C20orf203: variants seen among roughly 807,000 people sequenced by gnomAD.
C20orf203 encodes chromosome 20 open reading frame 203.
In C20orf203, 16 loss-of-function variants were observed where a neutral mutation model predicts 15.9. The ratio of observed to expected loss-of-function variants is 1.01; its 90% CI spans 0.68 to 1.53. The LOEUF is 1.53. Ranked by LOEUF, C20orf203 falls within the 40% of genes most tolerant of loss-of-function variation. The pLI is 0.00. For missense variants in C20orf203, 263 were observed against 247.5 expected, an observed-to-expected ratio of 1.06 and a Z score of -0.42; for synonymous variants, 98 against 97.2, an observed-to-expected ratio of 1.01 and a Z score of -0.05.
At chr20:32,646,684 G>A (rs951912748) in intron 4 of C20orf203, among the ~76,000 whole-genome samples, 1 of 152,180 alleles carries the variant, frequency 6.6e-6, no homozygotes, top group Admixed American at 6.5e-5. Context: ...GAAAGGGTGG[G>A]AGCCCTAACT....
At chr20:32,665,546 C>T (rs1262485479) in intron 1 of C20orf203, among the ~76,000 whole-genome samples, 1 of 152,196 alleles carries the variant, frequency 6.6e-6, no homozygotes, top group Non-Finnish European at 1.5e-5. Context: ...CTGGGAAGAG[C>T]AAGGCGCGGT....
chr20:32,658,925 G>C (rs1600937565), intron 1 of C20orf203, among the ~76,000 whole-genome samples: 1 of 152,028 alleles, frequency 6.6e-6, no homozygotes, highest in East Asian at 1.9e-4. Flanking sequence ...GCCCAGGCTG[G>C]AGTACAATGG....
At chr20:32,656,528 G>T (rs568893546) in intron 1 of C20orf203, 20 of 152,238 alleles carry the variant, frequency 1.3e-4, no homozygotes, top group African/African-American at 4.3e-4. Flanking sequence ...GCACCTAAAA[G>T]GTATATACCC....
chr20:32,642,350 T>C (rs1307787157), intron 4 of C20orf203, among the ~76,000 whole-genome samples: 2 of 152,128 alleles, frequency 1.3e-5, no homozygotes, highest in Non-Finnish European at 2.9e-5. Flanking sequence ...GGCCCACAAG[T>C]GTCCAGTGAA....
intron 1 of C20orf203, among the ~76,000 whole-genome samples, chr20:32,659,570 G>A (rs1450761633): frequency 6.6e-6 from 1 of 152,246 alleles, no homozygotes; most frequent in Non-Finnish European, 1.5e-5. Context: ...CAAAGTGGAG[G>A]TGCCTGCAGC....
rs1417052164 is a variant in C20orf203 at position 32,631,800 on chromosome 20, G to C, written c.*3770C>G. ...AGTCTGGGCGCTCATAAGAGGCAGG[G>C]TCTGTGGGGGTCAGGCCTGTTTGGT... On this transcript the variant is annotated 3_prime_UTR_variant, in exon 6 of 6. Transcript: ENST00000608990. 5 of 152,224 alleles carry C rather than the reference G, an allele frequency of 3.3e-5. No homozygotes were observed. Among genetic ancestry groups the C allele is most frequent in the African/African-American group, 1.2e-4 (5 of 41,448 alleles). The allele number at this position is 152,224 out of a possible 1,614,324, so 9.4% of individuals were successfully genotyped here.
intron 1 of C20orf203, among the ~76,000 whole-genome samples, chr20:32,653,269 C>T (rs1014970470): frequency 2.0e-5 from 3 of 152,208 alleles, no homozygotes; most frequent in Non-Finnish European, 4.4e-5. Context: ...GTTGCACAGC[C>T]AGTGACTAAT....
At chr20:32,645,792 C>A (rs1014062666) in intron 4 of C20orf203, among the ~76,000 whole-genome samples, 3 of 152,256 alleles carry the variant, frequency 2.0e-5, no homozygotes, top group African/African-American at 7.2e-5. Flanking sequence ...CCCAAGGCCA[C>A]ACAGTGAGGC....
intron 1 of C20orf203, among the ~76,000 whole-genome samples, chr20:32,666,762 CA>C (rs375016307): frequency 0.091 from 5,572 of 61,510 alleles, 604 homozygotes; most frequent in African/African-American, 0.26. Context: ...GACTCCATCT[CA>C]AAAAAAAAAA....
intron 1 of C20orf203, 136 bp downstream of exon 1, chr20:32,673,496 G>A (rs1983224653): frequency 6.6e-6 from 1 of 152,326 alleles, no homozygotes; most frequent in South Asian, 2.1e-4. Context: ...AGGGACACAT[G>A]AGGCACAGGG....
chr20:32,669,068 A>G (rs1600943058), intron 1 of C20orf203, among the ~76,000 whole-genome samples: 1 of 152,194 alleles, frequency 6.6e-6, no homozygotes, highest in African/African-American at 2.4e-5. Flanking sequence ...GCCTTAGTGC[A>G]TGCAGAGAGT....
At chr20:32,666,431 C>T (rs1983026802) in intron 1 of C20orf203, among the ~76,000 whole-genome samples, 1 of 150,782 alleles carries the variant, frequency 6.6e-6, no homozygotes, top group South Asian at 2.1e-4. Flanking sequence ...CGTGCCACTG[C>T]ACTCCGGCTT....
Position 32,631,952 on chromosome 20 carries a change from T to C in C20orf203, c.*3618A>G, listed in dbSNP as rs889045029. ...CGCAGGTCCCTGCAATCTGGAGGTA[T>C]GTGACACCGGGACATTTACCCTGTG... On this transcript the variant is annotated 3_prime_UTR_variant, in exon 6 of 6. Transcript: ENST00000608990. The C allele has an allele frequency of 6.6e-6, 1 of 152,232 alleles. No homozygotes were observed. The highest frequency in any genetic ancestry group is 1.5e-5 in the Non-Finnish European group (1 of 68,060). The allele number at this position is 152,232 out of a possible 1,614,324, so 9.4% of individuals were successfully genotyped here.
intron 1 of C20orf203, among the ~76,000 whole-genome samples, chr20:32,654,669 C>T (rs1461729051): frequency 6.6e-6 from 1 of 152,062 alleles, no homozygotes; most frequent in Non-Finnish European, 1.5e-5. Flanking sequence ...ATGGTGAAAC[C>T]TCATCTCTAC....
chr20:32,636,672 G>A (rs931654164), intron 5 of C20orf203, among the ~76,000 whole-genome samples: 1 of 152,018 alleles, frequency 6.6e-6, no homozygotes, highest in Non-Finnish European at 1.5e-5. Flanking sequence ...GCTGGACTTG[G>A]GCCATGGAAC....
chr20:32,659,037 G>A (rs1349039141), intron 1 of C20orf203, among the ~76,000 whole-genome samples: 2 of 152,078 alleles, frequency 1.3e-5, no homozygotes, highest in East Asian at 3.9e-4. Flanking sequence ...CACCACGCCT[G>A]GCTAATTTTT....
intron 5 of C20orf203, among the ~76,000 whole-genome samples, chr20:32,639,320 G>A (rs1356300526): frequency 6.6e-6 from 1 of 152,236 alleles, no homozygotes; most frequent in African/African-American, 2.4e-5. Context: ...GTCTCAGTTG[G>A]ACAGTACCAA....
At chr20:32,667,821 C>A in intron 1 of C20orf203, among the ~76,000 whole-genome samples, 1 of 152,142 alleles carries the variant, frequency 6.6e-6, no homozygotes, top group East Asian at 1.9e-4. Flanking sequence ...CAGGCGCGTG[C>A]CACCACACCC....
At position 32,666,797 on chromosome 20, in the gene C20orf203, T is replaced by TTTTATATATATATATATA. The variant is rs367964394; in HGVS notation, c.-264+6834_-264+6835insTATATATATATATATAAA. On this transcript the variant is annotated intron_variant, in intron 1 of 5. Coordinates refer to ENST00000608990, the MANE Select transcript of C20orf203 (RefSeq NM_182584.4). ...AAAAAAAGATGAAATTAATTTTAAT[T>TTTTATATATATATATATA]TATATATATATATATATATATATAT... Among the ~76,000 whole-genome samples the TTTTATATATATATATATA allele has an allele frequency of 3.1e-3, 205 of 65,598 alleles. 34 individuals are homozygous for TTTTATATATATATATATA. The highest frequency in any genetic ancestry group is 5.2e-3 in the Non-Finnish European group (146 of 27,974). 43.0% of individuals were successfully genotyped at this position (65,598 alleles called of 152,430 possible).
Sources: gnomAD v4.1 joint callset for allele counts (sites outside exome capture counted in the v4.1 genomes callset) on GRCh38, gnomAD v4.1.1 for gene constraint, MANE v1.5 for transcripts, NCBI Gene and HGNC (gene_info 2026-07-23, HGNC 2026-07-21) for gene names.